PCDHGB3: variants seen among roughly 807,000 people sequenced by gnomAD.
The protein encoded by PCDHGB3 is protocadherin gamma-B3.
PCDHGB3 carries 40 observed loss-of-function variants against 59.2 expected under a neutral mutation model. The observed-to-expected ratio is 0.68, with a 90% CI of 0.52 to 0.88. The LOEUF (loss-of-function observed/expected upper bound fraction) is 0.88. Among genes scored for constraint, PCDHGB3 ranks in the 40% least tolerant of loss-of-function variants. The pLI, the probability that PCDHGB3 is intolerant of heterozygous loss-of-function variation, is 0.00. For missense variants in PCDHGB3, 1,309 were observed against 1,187.9 expected, an observed-to-expected ratio of 1.10 and a Z score of -1.50; for synonymous variants, 581 against 503.6, an observed-to-expected ratio of 1.15 and a Z score of -2.06.
At position 141,491,894 on chromosome 5, in the gene PCDHGB3, C is replaced by T. The variant is rs1209251388; in HGVS notation, c.2416-2913C>T. The T allele has an allele frequency of 1.5e-5, 22 of 1,434,752 alleles. No individual in the cohort carries two copies. Among genetic ancestry groups the T allele is most frequent in the Admixed American group, 2.9e-5 (1 of 34,278 alleles). 88.9% of individuals were successfully genotyped at this position (1,434,752 alleles called of 1,614,324 possible). The stretch of plus-strand genomic sequence containing the variant: ...GCCGATTAAGGGATGGGGCTCCGAG[C>T]ACCGGGGGTGGTGGCGACTGTGGGC... On this transcript the variant is annotated intron_variant, in intron 1 of 3. Transcript: ENST00000576222. The surrounding 1 kb of genome is among the most constrained non-coding windows in gnomAD (Gnocchi z 6.9).
chr5:141,455,162 T>G (rs1002208156), intron 1 of PCDHGB3, among the ~76,000 whole-genome samples: 5 of 150,972 alleles, frequency 3.3e-5, no homozygotes, highest in African/African-American at 7.3e-5. Context: ...GTTTGTTGGT[T>G]TTTTTTTTAG....
Position 141,493,435 on chromosome 5 carries a change from G to T in PCDHGB3, c.2416-1372G>T, listed in dbSNP as rs150678406. On this transcript the variant is annotated intron_variant, in intron 1 of 3. Coordinates refer to ENST00000576222, the MANE Select transcript of PCDHGB3 (RefSeq NM_018924.5). The surrounding 1 kb of genome is among the most constrained non-coding windows in gnomAD (Gnocchi z 4.3). ...TGGGATTTTGCTTCTGCTGGGATGG[G>T]GCAAGGGTGGGGTTCCTTCCCTTTT... Among the ~76,000 whole-genome samples the T allele has an allele frequency of 6.6e-5, 10 of 152,294 alleles. No individual in the cohort carries two copies. In the East Asian group the frequency reaches 1.7e-3, roughly 26 times the overall value.
chr5:141,412,893 A>C (rs1190008207), intron 1 of PCDHGB3: 6 of 340,884 alleles, frequency 1.8e-5, no homozygotes, highest in Non-Finnish European at 2.6e-5. Flanking sequence ...AGAATAGTTT[A>C]CTTTCCATTG....
intron 1 of PCDHGB3, chr5:141,478,008 C>T: frequency 6.2e-7 from 1 of 1,614,124 alleles, no homozygotes; most frequent in Non-Finnish European, 8.5e-7. Flanking sequence ...ATCAGTACTG[C>T]CCGTCCAGTC....
At chr5:141,378,951 C>T (rs1775267163) in intron 1 of PCDHGB3, 1 of 152,180 alleles carries the variant, frequency 6.6e-6, no homozygotes, top group South Asian at 2.1e-4. Context: ...GAATGGAGTA[C>T]AGGGGATTCT....
intron 1 of PCDHGB3, chr5:141,479,417 T>A (rs2099495481): frequency 6.6e-6 from 1 of 152,210 alleles, no homozygotes; most frequent in Non-Finnish European, 1.5e-5. Context: ...ACTATGCTGA[T>A]CAATTGATCA....
At chr5:141,396,764 T>C (rs1040059955) in intron 1 of PCDHGB3, 1 of 152,236 alleles carries the variant, frequency 6.6e-6, no homozygotes, top group Non-Finnish European at 1.5e-5. Context: ...CCAATAAATG[T>C]TTGTTATTAA....
rs775859797 is a variant in PCDHGB3 at position 141,372,317 on chromosome 5, C to T, written c.1923C>T (p.Arg641=). Residue 641 remains arginine (R), a synonymous_variant, in exon 1 of 4, where the codon CGC becomes CGT. Transcript: ENST00000576222. ...GCGACAGGGAGGCCGCCCGCCAGCG[C>T]CTGCTGGTCACTGTGCGTGATGGAG... ...TLGDREAARQ[R]LLVTVRDGGQ... 1.9e-6 allele frequency: 3 copies of T among 1,613,614 alleles called. No individual in the cohort carries two copies. Among genetic ancestry groups the T allele is most frequent in the East Asian group, 2.2e-5 (1 of 44,878 alleles).
rs549307445 is a variant in PCDHGB3, at chr5:141,400,703, G to T, written c.2415+27894G>T. On this transcript the variant is annotated intron_variant, in intron 1 of 3. Transcript: ENST00000576222. The stretch of plus-strand genomic sequence containing the variant: ...TTGTGAGTTTTTATGTCGCATAAAA[G>T]AAGTAGCCTTATAGATTTACAAAGT... 6 of 714,832 alleles carry T rather than the reference G, an allele frequency of 8.4e-6. No homozygotes were observed. In the Admixed American group the frequency reaches 1.4e-4, roughly 17 times the overall value. The allele number at this position is 714,832 out of a possible 1,614,324, so 44.3% of individuals were successfully genotyped here. A position where few individuals can be genotyped will look rare whatever the true frequency, so the allele number is the denominator to read the frequency against.
chr5:141,418,916 T>C (rs766021059), intron 1 of PCDHGB3: 26 of 1,613,830 alleles, frequency 1.6e-5, no homozygotes, highest in Non-Finnish European at 1.7e-6. Context: ...CACGTCACTC[T>C]CTGATCAGAT....
intron 2 of PCDHGB3, among the ~76,000 whole-genome samples, chr5:141,497,767 C>T (rs1419825322): frequency 1.3e-5 from 2 of 152,066 alleles, no homozygotes; most frequent in East Asian, 3.9e-4. Flanking sequence ...TCAAACTCCC[C>T]GACCTCAACT....
intron 1 of PCDHGB3, chr5:141,383,593 G>C (rs893791654): frequency 5.6e-6 from 9 of 1,613,726 alleles, no homozygotes; most frequent in Admixed American, 1.7e-5. Flanking sequence ...CCAGGTGACA[G>C]TGGTGGATGT....
At chr5:141,430,687 T>A in intron 1 of PCDHGB3, 3 of 1,399,922 alleles carry the variant, frequency 2.1e-6, no homozygotes, top group Non-Finnish European at 9.5e-7. Flanking sequence ...TGTCCCATTC[T>A]ATGGGCGAAG....
chr5:141,375,309 C>T, intron 1 of PCDHGB3: 3 of 1,613,840 alleles, frequency 1.9e-6, no homozygotes, highest in Non-Finnish European at 2.5e-6. Context: ...ACAAATGCAG[C>T]TCTAGACCGG....
intron 2 of PCDHGB3, among the ~76,000 whole-genome samples, chr5:141,502,401 G>A (rs191747075): frequency 2.0e-5 from 3 of 151,874 alleles, no homozygotes; most frequent in Admixed American, 1.3e-4. Flanking sequence ...AAATGTCCCC[G>A]AACCTGGATT....
intron 1 of PCDHGB3, among the ~76,000 whole-genome samples, chr5:141,463,209 A>G (rs1189251811): frequency 6.6e-6 from 1 of 152,140 alleles, no homozygotes; most frequent in African/African-American, 2.4e-5. Flanking sequence ...TTGGGGATCC[A>G]TATTAATATT....
intron 1 of PCDHGB3, chr5:141,382,914 G>T: frequency 6.4e-7 from 1 of 1,552,980 alleles, no homozygotes; most frequent in South Asian, 1.2e-5. Context: ...CGGCTCAGCC[G>T]AGGGGCGGGG....
At chr5:141,473,809 A>C (rs1230574978) in intron 1 of PCDHGB3, among the ~76,000 whole-genome samples, 2 of 152,242 alleles carry the variant, frequency 1.3e-5, no homozygotes, top group East Asian at 3.8e-4. Flanking sequence ...ACTGAGGAGC[A>C]GCTGGACAAT....
intron 1 of PCDHGB3, chr5:141,394,953 C>T (rs749925118): frequency 6.2e-7 from 1 of 1,613,886 alleles, no homozygotes; most frequent in Non-Finnish European, 8.5e-7. Context: ...GCTTCTGGGG[C>T]TCAGGCTGAG....
Sources: allele counts gnomAD v4.1 joint callset (sites outside exome capture counted in the v4.1 genomes callset), GRCh38; gene constraint gnomAD v4.1.1; non-coding constraint Gnocchi (gnomAD v3.1); transcripts MANE v1.5; gene names NCBI Gene and HGNC (gene_info 2026-07-23, HGNC 2026-07-21).